Variants in TRPC5 observed in about 807,000 individuals in gnomAD.
TRPC5 encodes the protein short transient receptor potential channel 5.
Under a neutral mutation model 56.5 loss-of-function variants are expected in TRPC5, and 9 were observed. The ratio of observed to expected loss-of-function variants is 0.16; its 90% CI spans 0.10 to 0.28. The LOEUF (loss-of-function observed/expected upper bound fraction) is 0.28. Ranked by LOEUF, TRPC5 falls within the 10% of genes least tolerant of loss-of-function variation. The probability of loss-of-function intolerance (pLI) is 1.00; values close to 1 mark genes in which losing one functional copy is unlikely to be tolerated. For synonymous variants in TRPC5, 282 were observed against 278.5 expected (o/e 1.01, Z -0.13); for missense variants, 469 against 748.9 (o/e 0.63, Z 4.36).
chrX:111,981,662 C>G (rs1033769441), intron 1 of TRPC5, among the ~76,000 whole-genome samples: 4 of 111,817 alleles, frequency 3.6e-5, no homozygotes, highest in African/African-American at 1.3e-4. Context: ...CTGTGTACAA[C>G]TGAAAATTCA....
rs3027764 is a variant in TRPC5 at position 111,769,117 on chromosome X, G to A, written c.*7196C>T. Among the ~76,000 whole-genome samples, 27,023 of 110,717 alleles carry A rather than the reference G, an allele frequency of 0.24. 7,872 individuals carry two copies. The highest frequency in any genetic ancestry group is 0.83 in the African/African-American group (25,188 of 30,194). ...GTTTCTTTCCATTGCTTCTGCCACC[G>A]TGGGTTCTTATGAGTCCAAAATCCT... On this transcript the variant is annotated 3_prime_UTR_variant, in exon 11 of 11. Coordinates refer to ENST00000262839, the MANE Select transcript of TRPC5 (RefSeq NM_012471.3).
intron 1 of TRPC5, among the ~76,000 whole-genome samples, chrX:112,040,223 A>G (rs780777722): frequency 9.8e-5 from 11 of 112,303 alleles, no homozygotes; most frequent in African/African-American, 3.6e-4. Context: ...CTTTCAATCT[A>G]ATAAGAATTG....
At chrX:111,964,932 C>A (rs1927514814) in intron 1 of TRPC5, among the ~76,000 whole-genome samples, 1 of 111,753 alleles carries the variant, frequency 8.9e-6, no homozygotes, top group Admixed American at 9.5e-5. Context: ...AGCAAAATAA[C>A]CCGCTAACAT....
chrX:112,043,783 G>A (rs192977143), intron 1 of TRPC5, among the ~76,000 whole-genome samples: 10 of 110,694 alleles, frequency 9.0e-5, no homozygotes, highest in Non-Finnish European at 3.8e-5. Context: ...TTCCACTTGA[G>A]TAAAAGATCC....
intron 2 of TRPC5, among the ~76,000 whole-genome samples, chrX:111,922,896 T>C (rs1222730066): frequency 8.9e-6 from 1 of 112,141 alleles, no homozygotes; most frequent in East Asian, 2.8e-4. Flanking sequence ...GTAATACTAA[T>C]GGCTACTGGA....
chrX:111,916,948 C>T (rs1925994766), intron 2 of TRPC5, among the ~76,000 whole-genome samples: 1 of 112,629 alleles, frequency 8.9e-6, no homozygotes, highest in South Asian at 3.6e-4. Context: ...TAGGCAAGGG[C>T]CAAATGATAA....
chrX:111,990,947 C>T (rs749966636), intron 1 of TRPC5, among the ~76,000 whole-genome samples: 30 of 112,432 alleles, frequency 2.7e-4, no homozygotes, highest in Non-Finnish European at 2.4e-4. Context: ...AGCAGAACTG[C>T]TTTATCTTTG....
intron 7 of TRPC5, among the ~76,000 whole-genome samples, chrX:111,795,335 C>CT (rs1020661450): frequency 5.5e-5 from 6 of 109,637 alleles, no homozygotes; most frequent in African/African-American, 1.6e-4. Flanking sequence ...TTGTTGAGAC[C>CT]TTTTTTTTAA....
intron 1 of TRPC5, among the ~76,000 whole-genome samples, chrX:111,968,260 C>G (rs1333032578): frequency 1.8e-5 from 2 of 111,220 alleles, no homozygotes; most frequent in African/African-American, 6.5e-5. Flanking sequence ...AAATGCAAAT[C>G]AAAACCACAA....
At chrX:112,038,913 G>A (rs1415399249) in intron 1 of TRPC5, among the ~76,000 whole-genome samples, 1 of 104,950 alleles carries the variant, frequency 9.5e-6, no homozygotes, top group Admixed American at 1.0e-4. Context: ...GATGGTCTTG[G>A]TCTCCTGACC....
At chrX:112,000,069 T>C (rs1928658191) in intron 1 of TRPC5, among the ~76,000 whole-genome samples, 1 of 112,446 alleles carries the variant, frequency 8.9e-6, no homozygotes, top group Non-Finnish European at 1.9e-5. Context: ...TTGCACGGTA[T>C]AGTTGTTTAG....
chrX:111,979,762 A>C (rs1253880703), intron 1 of TRPC5, among the ~76,000 whole-genome samples: 2 of 111,878 alleles, frequency 1.8e-5, no homozygotes, highest in Non-Finnish European at 3.8e-5. Flanking sequence ...AATTAAATCC[A>C]CAATGTGACA....
At chrX:111,832,826 A>G (rs1409973998) in intron 7 of TRPC5, among the ~76,000 whole-genome samples, 1 of 110,863 alleles carries the variant, frequency 9.0e-6, no homozygotes, top group Non-Finnish European at 1.9e-5. Flanking sequence ...TGGTGATGGG[A>G]GCTGGAGTTG....
At chrX:111,858,437 G>C (rs1038614021) in intron 3 of TRPC5, among the ~76,000 whole-genome samples, 6 of 108,932 alleles carry the variant, frequency 5.5e-5, no homozygotes, top group Non-Finnish European at 9.6e-5. Flanking sequence ...AGGTCGGCTC[G>C]ACAGTCAACA....
intron 3 of TRPC5, among the ~76,000 whole-genome samples, chrX:111,893,445 A>T (rs1439619546): frequency 8.9e-6 from 1 of 111,764 alleles, no homozygotes; most frequent in Non-Finnish European, 1.9e-5. Flanking sequence ...ATGTTTGAAC[A>T]GTGTTTTGAG....
intron 7 of TRPC5, among the ~76,000 whole-genome samples, chrX:111,806,237 A>G (rs1164643677): frequency 1.8e-5 from 2 of 112,068 alleles, no homozygotes; most frequent in Non-Finnish European, 3.8e-5. Context: ...TTAAAACCAC[A>G]AACATTTATT....
chrX:112,039,074 C>G (rs1459934358), intron 1 of TRPC5, among the ~76,000 whole-genome samples: 1 of 110,231 alleles, frequency 9.1e-6, no homozygotes, highest in African/African-American at 3.3e-5. Flanking sequence ...CCTCCTGGTT[C>G]TTAGTTATGT....
chrX:112,076,154 G>A (rs1021307736), intron 1 of TRPC5, among the ~76,000 whole-genome samples: 3 of 111,964 alleles, frequency 2.7e-5, no homozygotes, highest in Admixed American at 1.9e-4. Context: ...TATAAATATT[G>A]TCTATTATAA....
At chrX:112,004,980 C>A (rs1340037301) in intron 1 of TRPC5, among the ~76,000 whole-genome samples, 1 of 111,736 alleles carries the variant, frequency 8.9e-6, no homozygotes. Flanking sequence ...GTTCTCTGTC[C>A]TGGCCACACA....
Sources: gnomAD v4.1 joint callset for allele counts (sites outside exome capture counted in the v4.1 genomes callset) on GRCh38, gnomAD v4.1.1 for gene constraint, MANE v1.5 for transcripts, NCBI Gene and HGNC (gene_info 2026-07-23, HGNC 2026-07-21) for gene names.